Variants in CNTNAP5 observed in about 807,000 individuals in gnomAD.
CNTNAP5 encodes the protein contactin associated protein family member 5, also known as contactin-associated protein-like 5.
A neutral mutation model predicts 150.2 loss-of-function variants in CNTNAP5; 72 were observed. The observed-to-expected ratio is 0.48, with a 90% CI of 0.40 to 0.58. CNTNAP5 has a LOEUF of 0.58. CNTNAP5 is among the 20% of genes least tolerant of loss of function. CNTNAP5 has a pLI of 0.00. For synonymous variants in CNTNAP5, 672 were observed against 619.8 expected, an observed-to-expected ratio of 1.08 and a Z score of -1.25; for missense variants, 1,636 against 1,626.2, an observed-to-expected ratio of 1.01 and a Z score of -0.10.
At chr2:124,612,784 G>T (rs147527119) in intron 12 of CNTNAP5, among the ~76,000 whole-genome samples, 135 of 152,318 alleles carry the variant, frequency 8.9e-4, no homozygotes, top group African/African-American at 3.1e-3. Flanking sequence ...CAGGCATAGT[G>T]ATTCATGCCT....
At chr2:124,551,191 C>T (rs531321211) in intron 10 of CNTNAP5, among the ~76,000 whole-genome samples, 1 of 152,010 alleles carries the variant, frequency 6.6e-6, no homozygotes, top group Non-Finnish European at 1.5e-5. Context: ...CAAACTCATT[C>T]GATCATCTTT....
intron 19 of CNTNAP5, among the ~76,000 whole-genome samples, chr2:124,843,914 T>A (rs1218509626): frequency 1.3e-5 from 2 of 152,124 alleles, no homozygotes; most frequent in East Asian, 3.9e-4. Flanking sequence ...TTAGTCCTTT[T>A]TCAGATGTAT....
chr2:124,680,914 C>T (rs1679053492), intron 13 of CNTNAP5: 1 of 151,630 alleles, frequency 6.6e-6, no homozygotes, highest in African/African-American at 2.4e-5. Flanking sequence ...TGGAAGAATA[C>T]ATGTTTGTAA....
At chr2:124,236,870 T>A (rs961906684) in intron 2 of CNTNAP5, among the ~76,000 whole-genome samples, 3 of 152,120 alleles carry the variant, frequency 2.0e-5, no homozygotes, top group African/African-American at 7.2e-5. Context: ...CTCATGCCTA[T>A]AATCCCAGCA....
At chr2:124,804,636 G>A (rs1349028570) in intron 19 of CNTNAP5, among the ~76,000 whole-genome samples, 1 of 152,086 alleles carries the variant, frequency 6.6e-6, no homozygotes, top group Non-Finnish European at 1.5e-5. Flanking sequence ...TGCCATGTGA[G>A]GACACTGAGA....
At chr2:124,082,835 C>T (rs1682591143) in intron 1 of CNTNAP5, among the ~76,000 whole-genome samples, 1 of 152,052 alleles carries the variant, frequency 6.6e-6, no homozygotes, top group African/African-American at 2.4e-5. Flanking sequence ...TTTAGACATT[C>T]TGATAGCTCT....
chr2:124,215,712 C>CAAAAAAAAAAA (rs397985759), intron 1 of CNTNAP5, among the ~76,000 whole-genome samples: 2 of 82,048 alleles, frequency 2.4e-5, no homozygotes, highest in Non-Finnish European at 4.9e-5. Context: ...AGAAGAAAGG[C>CAAAAAAAAAAA]AAAAAAAAAA....
chr2:124,195,266 G>A (rs1054475753), intron 1 of CNTNAP5, among the ~76,000 whole-genome samples: 2 of 152,178 alleles, frequency 1.3e-5, no homozygotes, highest in Non-Finnish European at 2.9e-5. Context: ...TTCCTGCAGA[G>A]AGCGTGCATC....
chr2:124,647,734 C>T (rs2105027637), intron 12 of CNTNAP5, 24 bp from the exon 13 acceptor site: 1 of 1,560,674 alleles, frequency 6.4e-7, no homozygotes, highest in African/African-American at 1.4e-5. Flanking sequence ...ACGTCTCTTG[C>T]TTTGTGTTGT....
At chr2:124,485,545 G>A (rs1447530061) in intron 7 of CNTNAP5, among the ~76,000 whole-genome samples, 4 of 144,466 alleles carry the variant, frequency 2.8e-5, no homozygotes, top group African/African-American at 5.1e-5. Flanking sequence ...CCCGGGAGGC[G>A]GAGCTTGCAG....
rs150971146 is a variant in CNTNAP5, at chr2:124,030,132, A to G, written c.82+4400A>G. Among the ~76,000 whole-genome samples, 40 of 152,298 alleles carry G rather than the reference A, an allele frequency of 2.6e-4. No individual in the cohort carries two copies. The East Asian group carries it at 7.7e-3, about 29-fold the overall frequency. ...GAAGAAAATGGATTAGATCATTATT[A>G]TTAACATCCTATTTACTTTTAATGT... On this transcript the variant is annotated intron_variant, in intron 1 of 23. Coordinates refer to ENST00000682447, the MANE Select transcript of CNTNAP5 (RefSeq NM_001367498.1).
At chr2:124,809,282 T>C (rs145032114) in intron 19 of CNTNAP5, among the ~76,000 whole-genome samples, 1 of 152,112 alleles carries the variant, frequency 6.6e-6, no homozygotes, top group Admixed American at 6.5e-5. Context: ...ATAAAGGTAA[T>C]GGAGAAACAG....
At chr2:124,738,147 G>T (rs1680426133) in intron 13 of CNTNAP5, among the ~76,000 whole-genome samples, 1 of 152,038 alleles carries the variant, frequency 6.6e-6, no homozygotes, top group Admixed American at 6.6e-5. Flanking sequence ...CTATGCTGAG[G>T]TCATGAACAT....
intron 6 of CNTNAP5, among the ~76,000 whole-genome samples, chr2:124,473,976 G>C (rs1400355394): frequency 6.6e-6 from 1 of 151,930 alleles, no homozygotes; most frequent in African/African-American, 2.4e-5. Flanking sequence ...TGCGGTTTTT[G>C]CCATTACTTT....
At chr2:124,669,043 C>T (rs1678756321) in intron 13 of CNTNAP5, among the ~76,000 whole-genome samples, 1 of 152,126 alleles carries the variant, frequency 6.6e-6, no homozygotes, top group Admixed American at 6.5e-5. Context: ...TCTGTGAAGC[C>T]CACCCTGATT....
intron 3 of CNTNAP5, among the ~76,000 whole-genome samples, chr2:124,411,188 T>G (rs1180889094): frequency 3.3e-5 from 5 of 152,148 alleles, no homozygotes; most frequent in African/African-American, 1.2e-4. Flanking sequence ...AGGAAGAAGT[T>G]GAATCTGAAT....
At chr2:124,154,500 T>A (rs1189762613) in intron 1 of CNTNAP5, among the ~76,000 whole-genome samples, 1 of 152,064 alleles carries the variant, frequency 6.6e-6, no homozygotes, top group Non-Finnish European at 1.5e-5. Flanking sequence ...GTGCAGAAGT[T>A]CACATTGTTC....
intron 22 of CNTNAP5, among the ~76,000 whole-genome samples, chr2:124,910,185 T>A (rs2104767620): frequency 6.6e-6 from 1 of 152,114 alleles, no homozygotes; most frequent in East Asian, 2.0e-4. Flanking sequence ...ATCTTTCACG[T>A]GTGTCTCCAC....
chr2:124,063,271 T>C (rs1201036489), intron 1 of CNTNAP5, among the ~76,000 whole-genome samples: 1 of 152,126 alleles, frequency 6.6e-6, no homozygotes, highest in East Asian at 1.9e-4. Flanking sequence ...TAGAAAATCA[T>C]GTTTTAATTT....
Sources: allele counts gnomAD v4.1 joint callset (sites outside exome capture counted in the v4.1 genomes callset), GRCh38; gene constraint gnomAD v4.1.1; transcripts MANE v1.5; gene names NCBI Gene and HGNC (gene_info 2026-07-23, HGNC 2026-07-21).